The following SGCZ variants were observed in gnomAD, a reference collection of about 807,000 sequenced individuals.
SGCZ encodes zeta-sarcoglycan.
A neutral mutation model predicts 41.3 loss-of-function variants in SGCZ; 40 were observed. The ratio of observed to expected loss-of-function variants is 0.97; its 90% CI spans 0.75 to 1.26. SGCZ has a LOEUF of 1.26. Among genes scored for constraint, SGCZ ranks in the 50% most tolerant of loss-of-function variants. SGCZ has a pLI of 0.00. For missense variants in SGCZ, 552 were observed against 369.8 expected (o/e 1.49, Z -4.04); for synonymous variants, 206 against 137.5 (o/e 1.50, Z -3.49).
chr8:15,083,852 G>C (rs1221030694), intron 1 of SGCZ, among the ~76,000 whole-genome samples: 1 of 152,098 alleles, frequency 6.6e-6, no homozygotes, highest in Non-Finnish European at 1.5e-5. Context: ...CCTCATTGCT[G>C]GGGTTACAGG....
At chr8:14,106,013 A>G (rs1183132793) in intron 6 of SGCZ, among the ~76,000 whole-genome samples, 1 of 151,968 alleles carries the variant, frequency 6.6e-6, no homozygotes, top group African/African-American at 2.4e-5. Context: ...TAAAACACAG[A>G]TGAAAAAAAT....
Position 14,895,971 on chromosome 8 carries a change from A to G in SGCZ, c.40-341045T>C, listed in dbSNP as rs1414453002. ...AAATGTTTGCATTAAAAATACGTAC[A>G]TCCCAGGTGAACACTACCTGGTAAG... is the stretch of plus-strand genomic sequence containing the variant. On this transcript the variant is annotated intron_variant, in intron 1 of 7. Coordinates refer to ENST00000382080, the MANE Select transcript of SGCZ (RefSeq NM_139167.4). 8.5e-5 allele frequency among the ~76,000 whole-genome samples: 13 copies of G among 152,316 alleles called. No homozygotes were observed. The East Asian group carries it at 2.5e-3, about 29-fold the overall frequency.
chr8:14,517,408 G>C (rs1585621888), intron 2 of SGCZ, among the ~76,000 whole-genome samples: 4 of 152,076 alleles, frequency 2.6e-5, no homozygotes, highest in South Asian at 2.1e-4. Context: ...TCTATATTTT[G>C]AGACATAATA....
intron 1 of SGCZ, among the ~76,000 whole-genome samples, chr8:14,680,510 A>G (rs1418983857): frequency 6.6e-6 from 1 of 152,090 alleles, no homozygotes; most frequent in African/African-American, 2.4e-5. Flanking sequence ...TGTTCTAAAA[A>G]TTATCTATTA....
intron 1 of SGCZ, among the ~76,000 whole-genome samples, chr8:14,599,749 G>C (rs1040376515): frequency 6.6e-6 from 1 of 152,078 alleles, no homozygotes; most frequent in African/African-American, 2.4e-5. Context: ...TTTTACTAAA[G>C]CTCTGACATT....
chr8:14,251,494 G>A (rs1799284727), intron 3 of SGCZ, among the ~76,000 whole-genome samples: 1 of 152,064 alleles, frequency 6.6e-6, no homozygotes. Context: ...GGGCATGTCT[G>A]TATTATACCA....
At chr8:14,367,942 C>A (rs993573965) in intron 2 of SGCZ, among the ~76,000 whole-genome samples, 1 of 151,984 alleles carries the variant, frequency 6.6e-6, no homozygotes, top group African/African-American at 2.4e-5. Context: ...AATGATAAAT[C>A]CCTGAAACTG....
chr8:14,838,407 T>G (rs1173020208), intron 1 of SGCZ, among the ~76,000 whole-genome samples: 1 of 152,188 alleles, frequency 6.6e-6, no homozygotes, highest in East Asian at 1.9e-4. Flanking sequence ...GCCATTGATA[T>G]GCAAACTAAC....
At chr8:14,237,390 G>A (rs1369328758) in intron 4 of SGCZ, among the ~76,000 whole-genome samples, 1 of 151,898 alleles carries the variant, frequency 6.6e-6, no homozygotes, top group East Asian at 1.9e-4. Context: ...AAGCACAGTA[G>A]GCCAGATGAC....
At chr8:15,057,460 T>C (rs144480503) in intron 1 of SGCZ, among the ~76,000 whole-genome samples, 4 of 152,264 alleles carry the variant, frequency 2.6e-5, no homozygotes, top group African/African-American at 7.2e-5. Flanking sequence ...GGTTCCCCCA[T>C]AGCAAGTAGA....
At chr8:14,493,909 G>A (rs979124422) in intron 2 of SGCZ, among the ~76,000 whole-genome samples, 2 of 151,928 alleles carry the variant, frequency 1.3e-5, no homozygotes, top group African/African-American at 4.8e-5. Context: ...AAGTCTAATG[G>A]ACTTTTGATA....
At chr8:14,769,512 C>G (rs943116395) in intron 1 of SGCZ, among the ~76,000 whole-genome samples, 3 of 152,122 alleles carry the variant, frequency 2.0e-5, no homozygotes, top group African/African-American at 7.2e-5. Context: ...TCAATGGCAG[C>G]CAGGCGCGAT....
At chr8:15,146,630 T>A (rs914208565) in intron 1 of SGCZ, among the ~76,000 whole-genome samples, 2 of 152,206 alleles carry the variant, frequency 1.3e-5, no homozygotes, top group Admixed American at 6.5e-5. Flanking sequence ...TATATGAAGA[T>A]AATACTAAAA....
At chr8:15,130,704 A>G (rs1807863870) in intron 1 of SGCZ, among the ~76,000 whole-genome samples, 3 of 152,204 alleles carry the variant, frequency 2.0e-5, no homozygotes, top group African/African-American at 7.2e-5. Flanking sequence ...ATTTTCCACC[A>G]TCATCAAATA....
intron 2 of SGCZ, among the ~76,000 whole-genome samples, chr8:14,552,267 G>T (rs1033082370): frequency 6.6e-6 from 1 of 151,976 alleles, no homozygotes; most frequent in African/African-American, 2.4e-5. Flanking sequence ...TAGTATTCAG[G>T]ATTGCTGAAG....
At chr8:15,015,426 A>G (rs148169264) in intron 1 of SGCZ, among the ~76,000 whole-genome samples, 184 of 152,164 alleles carry the variant, frequency 1.2e-3, no homozygotes, top group Non-Finnish European at 2.0e-3. Context: ...GTGGCTGGGC[A>G]CGGTGGCTCA....
intron 4 of SGCZ, among the ~76,000 whole-genome samples, chr8:14,183,045 G>A (rs1168475473): frequency 1.1e-4 from 16 of 149,580 alleles, no homozygotes; most frequent in Non-Finnish European, 1.5e-4. Context: ...CTAATGTGTC[G>A]TAAAGTTGAT....
intron 2 of SGCZ, among the ~76,000 whole-genome samples, chr8:14,325,903 G>A (rs1180169579): frequency 6.8e-6 from 1 of 147,678 alleles, no homozygotes; most frequent in East Asian, 2.0e-4. Context: ...ACGACGTCAG[G>A]AGATCAAGAC....
chr8:14,689,927 A>G (rs1005049174), intron 1 of SGCZ, among the ~76,000 whole-genome samples: 3 of 152,234 alleles, frequency 2.0e-5, no homozygotes, highest in Non-Finnish European at 2.9e-5. Flanking sequence ...TACGCAGGAC[A>G]CTGAAGAAAT....
Sources: allele counts gnomAD v4.1 joint callset (sites outside exome capture counted in the v4.1 genomes callset), GRCh38; gene constraint gnomAD v4.1.1; transcripts MANE v1.5; gene names NCBI Gene and HGNC (gene_info 2026-07-23, HGNC 2026-07-21).